Variants in SRL observed in about 807,000 individuals in gnomAD.
SRL encodes the protein sarcalumenin.
Under a neutral mutation model 39.5 loss-of-function variants are expected in SRL, and 23 were observed. That is an observed-to-expected ratio of 0.58 (90% CI 0.42 to 0.82). SRL has a LOEUF of 0.82. Among genes scored for constraint, SRL ranks in the 40% least tolerant of loss-of-function variants. SRL has a pLI of 0.00. For missense variants in SRL, 592 were observed against 607.8 expected, an observed-to-expected ratio of 0.97 and a Z score of 0.27; for synonymous variants, 272 against 237.4, an observed-to-expected ratio of 1.15 and a Z score of -1.34.
chr16:4,200,858 C>T (rs748792001), intron 3 of SRL, among the ~76,000 whole-genome samples: 3 of 152,196 alleles, frequency 2.0e-5, no homozygotes, highest in Non-Finnish European at 4.4e-5. Context: ...AACCCTATTA[C>T]ACCCTGGCCA....
At chr16:4,237,185 C>G (rs2052722239) in intron 1 of SRL, among the ~76,000 whole-genome samples, 1 of 150,398 alleles carries the variant, frequency 6.6e-6, no homozygotes, top group Non-Finnish European at 1.5e-5. Flanking sequence ...ATCCTCCTGC[C>G]TCTGCCTCCG....
chr16:4,208,716 C>G (rs532944037), intron 1 of SRL, among the ~76,000 whole-genome samples: 26 of 152,310 alleles, frequency 1.7e-4, no homozygotes, highest in African/African-American at 6.0e-4. Flanking sequence ...TATTAAGTCA[C>G]ACATCTAACC....
chr16:4,192,519 C>T lies in SRL; in HGVS notation c.1056G>A (p.Gln352=). 1 of 1,614,190 alleles carries T rather than the reference C, an allele frequency of 6.2e-7. No homozygotes were observed. The highest frequency in any genetic ancestry group is 8.5e-7 in the Non-Finnish European group (1 of 1,180,040). Residue 352 remains glutamine, a synonymous_variant, in exon 6 of 6, where the codon CAG becomes CAA. Transcript: ENST00000399609. This position sits in a 1 kb window ranked among gnomAD's most constrained non-coding sequence, Gnocchi z 4.0. ...AGAAGGTCATTTTGTCCTTGTAAGT[C>T]TGCAGGTAGCGGTCAACCAGGAGGG... ...IHALLVDRYL[Q]TYKDKMTFFS...
chr16:4,193,201 C>G (rs997237150), intron 5 of SRL, among the ~76,000 whole-genome samples: 1 of 152,216 alleles, frequency 6.6e-6, no homozygotes, highest in African/African-American at 2.4e-5. Flanking sequence ...CAGGGTCTCA[C>G]TCTGTCACCC....
rs371085536 is a variant in SRL, at chr16:4,203,279, C to T, written c.164-18G>A. 32 of 1,609,788 alleles carry T rather than the reference C, an allele frequency of 2.0e-5. No individual in the cohort carries two copies. The highest frequency in any genetic ancestry group is 1.7e-4 in the Middle Eastern group (1 of 6,012). On this transcript the variant is annotated intron_variant, in intron 2 of 5. Coordinates refer to ENST00000399609, the MANE Select transcript of SRL (RefSeq NM_001098814.2). ...CAGCACCGCTGGAGACAGAGAGGGC[C>T]GGGGGAAGAGCATCACGCAGGTGCG...
At chr16:4,225,681 C>T (rs1376158529) in intron 1 of SRL, among the ~76,000 whole-genome samples, 1 of 152,152 alleles carries the variant, frequency 6.6e-6, no homozygotes, top group Non-Finnish European at 1.5e-5. Context: ...CCCCTGCCCC[C>T]ACCGGCTCCC....
intron 1 of SRL, among the ~76,000 whole-genome samples, chr16:4,212,680 C>T (rs567191585): frequency 6.6e-6 from 1 of 152,184 alleles, no homozygotes; most frequent in Non-Finnish European, 1.5e-5. Context: ...CGTCAGGGCA[C>T]AGGAATAGCA....
At chr16:4,203,119 G>T in intron 3 of SRL, 47 bp downstream of exon 3, 1 of 1,561,290 alleles carries the variant, frequency 6.4e-7, no homozygotes, top group Non-Finnish European at 8.8e-7. Flanking sequence ...CGACAGGCCT[G>T]CGCCGTACCC....
rs2052048058 is a variant in SRL at position 4,190,518 on chromosome 16, TTCCC to T, written c.*1631_*1634del. On this transcript the variant is annotated 3_prime_UTR_variant, in exon 6 of 6. Transcript: ENST00000399609. ...CATTTCACCATCCAAAGGCTGCTTCTTCCCTGCAGGTCCTGCCCCTCTGCTCCCC... is the reference window on the plus strand; with the variant it reads ...CATTTCACCATCCAAAGGCTGCTTCTTGCAGGTCCTGCCCCTCTGCTCCCC... 2.5e-6 allele frequency: 1 copy of T among 398,786 alleles called. No homozygotes were observed. Among genetic ancestry groups the T allele is most frequent in the Admixed American group, 4.4e-5 (1 of 22,714 alleles). The allele number at this position is 398,786 out of a possible 1,614,324, so 24.7% of individuals were successfully genotyped here.
At chr16:4,215,061 C>G (rs1260157678) in intron 1 of SRL, among the ~76,000 whole-genome samples, 1 of 152,228 alleles carries the variant, frequency 6.6e-6, no homozygotes, top group Non-Finnish European at 1.5e-5. Flanking sequence ...AGCCACTGCA[C>G]CCGGCCTCTT....
chr16:4,234,051 G>C (rs2052687910), intron 1 of SRL, among the ~76,000 whole-genome samples: 1 of 152,022 alleles, frequency 6.6e-6, no homozygotes, highest in Admixed American at 6.6e-5. Flanking sequence ...CTAGAGTATA[G>C]TGGTACAATC....
chr16:4,204,423 T>TCTAAGATACAGCCCCGGCCC, intron 2 of SRL, 110 bp downstream of exon 2: 1 of 1,004,282 alleles, frequency 1.0e-6, no homozygotes, highest in Middle Eastern at 2.3e-4. Flanking sequence ...AGCCCCGGCC[T>TCTAAGATACAGCCCCGGCCC]CCAAGATACA....
chr16:4,204,991 T>C (rs2052300400), intron 1 of SRL, among the ~76,000 whole-genome samples: 1 of 152,188 alleles, frequency 6.6e-6, no homozygotes, highest in Non-Finnish European at 1.5e-5. Context: ...CTTAGGCAGC[T>C]GCTCTTAGTC....
intron 3 of SRL, among the ~76,000 whole-genome samples, chr16:4,198,879 G>T (rs1215339115): frequency 6.6e-6 from 1 of 152,226 alleles, no homozygotes; most frequent in Non-Finnish European, 1.5e-5. Flanking sequence ...TTGGGGAGAT[G>T]ACCCTGCAAG....
intron 4 of SRL, among the ~76,000 whole-genome samples, chr16:4,197,421 C>CT (rs71139621): frequency 0.23 from 24,532 of 106,528 alleles, 3,847 homozygotes; most frequent in East Asian, 0.32. Context: ...CTTTTCTTTC[C>CT]TTTTTTTTTT....
At chr16:4,202,592 C>CAA (rs59918885) in intron 3 of SRL, among the ~76,000 whole-genome samples, 2,302 of 140,266 alleles carry the variant, frequency 0.016, 56 homozygotes, top group African/African-American at 0.057. Flanking sequence ...GACTCCATCT[C>CAA]AAAAAAAAAA....
In SRL at chr16:4,234,703, GA is replaced by G. The variant is rs141190972; in HGVS notation, c.61+7303del. Among the ~76,000 whole-genome samples the G allele has an allele frequency of 6.9e-3, 1,051 of 152,302 alleles. 14 individuals carry two copies. The highest frequency in any genetic ancestry group is 0.024 in the African/African-American group (998 of 41,550). On this transcript the variant is annotated intron_variant, in intron 1 of 5. Transcript: ENST00000399609. ...TACCCAGCTAGGGATGAGCACAGGG[GA>G]CTGGGACCTCTCGAGCACTGGGCAG...
intron 1 of SRL, among the ~76,000 whole-genome samples, chr16:4,228,627 C>T (rs1441454515): frequency 3.3e-5 from 5 of 151,264 alleles, no homozygotes; most frequent in East Asian, 1.9e-4. Flanking sequence ...CCCAGCTACT[C>T]GGGAGGTTGA....
rs1344614764 is a variant in SRL, at chr16:4,203,259, C to G, written c.166G>C (p.Val56Leu). Residue 56 changes from valine (V) to leucine (L), a missense_variant and splice_region_variant, in exon 3 of 6, where the codon GTG (valine) becomes CTG (leucine). Val to Leu is a conservative substitution (Grantham distance 32). Transcript: ENST00000399609. The stretch of plus-strand genomic sequence containing the variant: ...TAGATCTTCCGAAGCCGCTGCAGCA[C>G]CGCTGGAGACAGAGAGGGCCGGGGG... The part of the protein sequence containing the change: ...EDKPSDDYSA[V>L]LQRLRKIYHS... 1.2e-6 allele frequency: 2 copies of G among 1,613,844 alleles called. No individual in the cohort carries two copies. The highest frequency in any genetic ancestry group is 1.7e-6 in the Non-Finnish European group (2 of 1,179,872).
Sources: gnomAD v4.1 joint callset for allele counts (sites outside exome capture counted in the v4.1 genomes callset) on GRCh38, gnomAD v4.1.1 for gene constraint, Gnocchi (gnomAD v3.1) non-coding constraint, MANE v1.5 for transcripts, NCBI Gene and HGNC (gene_info 2026-07-23, HGNC 2026-07-21) for gene names.